The following RANBP9 variants were observed in gnomAD, a reference collection of about 807,000 sequenced individuals.
RANBP9 encodes the protein RAN binding protein 9.
RANBP9 carries 15 observed loss-of-function variants against 84.3 expected under a neutral mutation model. The observed-to-expected ratio is 0.18, with a 90% confidence interval of 0.12 to 0.27. The LOEUF is 0.27. Among genes scored for constraint, RANBP9 ranks in the 10% least tolerant of loss-of-function variants. The pLI is 1.00. For missense variants in RANBP9, 809 were observed against 912.8 expected (o/e 0.89, Z 1.46); for synonymous variants, 392 against 349.6 (o/e 1.12, Z -1.35).
At chr6:13,682,722 T>G (rs576629222) in intron 2 of RANBP9, among the ~76,000 whole-genome samples, 2 of 152,292 alleles carry the variant, frequency 1.3e-5, no homozygotes, top group African/African-American at 4.8e-5. Context: ...AAATTACTGA[T>G]ATTTTAATTT....
intron 5 of RANBP9, 89 bp from the exon 6 acceptor site, chr6:13,644,818 A>C: frequency 9.5e-7 from 1 of 1,051,750 alleles, no homozygotes; most frequent in Middle Eastern, 2.4e-4. Context: ...GAATAGAACT[A>C]TAAATTTACT....
At chr6:13,636,592 T>C (rs1163406811) in intron 10 of RANBP9, among the ~76,000 whole-genome samples, 2 of 152,032 alleles carry the variant, frequency 1.3e-5, no homozygotes, top group African/African-American at 4.8e-5. Flanking sequence ...CCTTGATCAA[T>C]GATAAAGTAC....
chr6:13,700,218 C>G (rs562686625), intron 1 of RANBP9, among the ~76,000 whole-genome samples: 1 of 152,288 alleles, frequency 6.6e-6, no homozygotes, highest in East Asian at 1.9e-4. Flanking sequence ...CCCTTCCAGT[C>G]GCCAACATGC....
intron 2 of RANBP9, among the ~76,000 whole-genome samples, chr6:13,659,975 A>G (rs1263863974): frequency 6.6e-6 from 1 of 152,216 alleles, no homozygotes; most frequent in Non-Finnish European, 1.5e-5. Context: ...GTATGATTAT[A>G]TACATAGAAA....
intron 8 of RANBP9, among the ~76,000 whole-genome samples, chr6:13,640,002 G>T (rs1278432107): frequency 6.6e-6 from 1 of 152,038 alleles, no homozygotes; most frequent in East Asian, 1.9e-4. Context: ...TTACCAAATG[G>T]AAATTTACCT....
intron 13 of RANBP9, among the ~76,000 whole-genome samples, chr6:13,625,117 T>C (rs1293121260): frequency 6.6e-6 from 1 of 152,186 alleles, no homozygotes; most frequent in Non-Finnish European, 1.5e-5. Flanking sequence ...TCAAAACCTT[T>C]CTTGACCTCT....
chr6:13,665,587 T>C lies in RANBP9; in HGVS notation c.684-6755A>G, dbSNP rs140526127. ...TGAAACAAAGGCTGGCAGTTGCTCATAGGACTGAACACCTGCCTACCCTAC... is the reference window on the plus strand; with the variant it reads ...TGAAACAAAGGCTGGCAGTTGCTCACAGGACTGAACACCTGCCTACCCTAC... On this transcript the variant is annotated intron_variant, in intron 2 of 13. Transcript: ENST00000011619. 4.5e-4 allele frequency among the ~76,000 whole-genome samples: 68 copies of C among 152,258 alleles called. No individual in the cohort carries two copies. The East Asian group carries it at 0.012, about 27-fold the overall frequency.
Position 13,709,652 on chromosome 6 carries a change from C to A in RANBP9, c.571+1283G>T, listed in dbSNP as rs192626846. On this transcript the variant is annotated intron_variant, in intron 1 of 13. Transcript: ENST00000011619. ...TTAAGGAGGATAACACTTGGAAGTA[C>A]TTCTTTGGATGTATGGCGAGAATAA... is the stretch of plus-strand genomic sequence containing the variant. Among the ~76,000 whole-genome samples, 269 of 152,272 alleles carry A rather than the reference C, an allele frequency of 1.8e-3. 2 individuals carry two copies. The highest frequency in any genetic ancestry group is 6.2e-3 in the African/African-American group (258 of 41,552).
At chr6:13,654,407 CTT>C (rs914192894) in intron 4 of RANBP9, among the ~76,000 whole-genome samples, 7 of 152,176 alleles carry the variant, frequency 4.6e-5, no homozygotes, top group African/African-American at 1.7e-4. Flanking sequence ...CAAAGTTTCT[CTT>C]ATTTTCTCAA....
chr6:13,672,926 G>T lies in RANBP9; in HGVS notation c.684-14094C>A, dbSNP rs138588920. On this transcript the variant is annotated intron_variant, in intron 2 of 13. Transcript: ENST00000011619. ...TGAGAATGGAGGACAACTATAAAAG[G>T]TGAAAAATATTCATAATAGTAATGC... 2.7e-5 allele frequency among the ~76,000 whole-genome samples: 4 copies of T among 150,794 alleles called. No individual in the cohort carries two copies. The East Asian group carries it at 7.9e-4, about 30-fold the overall frequency.
At chr6:13,705,852 G>C in intron 1 of RANBP9, among the ~76,000 whole-genome samples, 1 of 104,440 alleles carries the variant, frequency 9.6e-6, no homozygotes, top group Non-Finnish European at 1.8e-5. Flanking sequence ...CTGGGCGACA[G>C]AGCAAGACTC....
intron 11 of RANBP9, among the ~76,000 whole-genome samples, chr6:13,632,980 T>C (rs1373943753): frequency 4.0e-5 from 6 of 151,868 alleles, no homozygotes; most frequent in Admixed American, 3.3e-4. Flanking sequence ...CAGCATATTA[T>C]ACTAACTGAA....
chr6:13,668,531 G>T (rs1415743326), intron 2 of RANBP9, among the ~76,000 whole-genome samples: 4 of 151,524 alleles, frequency 2.6e-5, no homozygotes, highest in African/African-American at 9.7e-5. Flanking sequence ...TGACCAAATG[G>T]GATTTATATC....
At chr6:13,625,293 G>A (rs1003496471) in intron 13 of RANBP9, among the ~76,000 whole-genome samples, 7 of 152,164 alleles carry the variant, frequency 4.6e-5, no homozygotes, top group Admixed American at 3.3e-4. Context: ...AAAGAGGGCT[G>A]TAAGGAATGT....
chr6:13,642,378 T>G (rs975347364), intron 7 of RANBP9, 101 bp downstream of exon 7: 4 of 482,100 alleles, frequency 8.3e-6, no homozygotes, highest in African/African-American at 6.1e-5. Context: ...AATTAATATA[T>G]TTGAAATTTT....
intron 2 of RANBP9, among the ~76,000 whole-genome samples, chr6:13,677,011 A>G (rs1350059170): frequency 6.6e-6 from 1 of 152,192 alleles, no homozygotes; most frequent in East Asian, 1.9e-4. Context: ...AGTCCTAGCT[A>G]ATGCAATGAG....
chr6:13,668,214 A>G (rs1365297952), intron 2 of RANBP9, among the ~76,000 whole-genome samples: 1 of 152,144 alleles, frequency 6.6e-6, no homozygotes, highest in Non-Finnish European at 1.5e-5. Context: ...AAATTCCTAG[A>G]AAGACACAAA....
intron 2 of RANBP9, among the ~76,000 whole-genome samples, chr6:13,679,923 G>T (rs546727612): frequency 6.6e-6 from 1 of 151,508 alleles, no homozygotes; most frequent in Non-Finnish European, 1.5e-5. Context: ...AATATAAATC[G>T]GTCAAAAAAT....
In RANBP9 at chr6:13,711,167, G is replaced by A. The variant is rs753849582; in HGVS notation, c.339C>T (p.Gly113=). The A allele has an allele frequency of 3.5e-6, 5 of 1,437,528 alleles. No homozygotes were observed. The South Asian group carries it at 4.1e-5, about 12-fold the overall frequency. 89.0% of individuals were successfully genotyped at this position (1,437,528 alleles called of 1,614,324 possible). The part of the protein sequence containing the change: ...PAPPGLAAGP[G]PAGGAPTPAL... The stretch of plus-strand genomic sequence containing the variant: ...CTGGGGTCGGGGCTCCTCCAGCCGG[G>A]CCGGGGCCCGCTGCAAGGCCCGGGG... The change falls in exon 1 of 14, where the codon GGC becomes GGT. Residue 113 remains glycine (G), a synonymous_variant. Transcript: ENST00000011619.
Sources: gnomAD v4.1 joint callset for allele counts (sites outside exome capture counted in the v4.1 genomes callset) on GRCh38, gnomAD v4.1.1 for gene constraint, MANE v1.5 for transcripts, NCBI Gene and HGNC (gene_info 2026-07-23, HGNC 2026-07-21) for gene names.